Variants in CTXN3 observed in about 807,000 individuals in gnomAD.
CTXN3 encodes the protein cortexin-3.
In CTXN3, 4 loss-of-function variants were observed where a neutral mutation model predicts 5.0. The ratio of observed to expected loss-of-function variants is 0.79; its 90% confidence interval spans 0.39 to 1.82. The LOEUF is 1.82. Ranked by LOEUF, CTXN3 falls within the 40% of genes most tolerant of loss-of-function variation. The probability of loss-of-function intolerance (pLI) is 0.04; values close to 1 mark genes in which losing one functional copy is unlikely to be tolerated. For missense variants in CTXN3, 89 were observed against 99.7 expected, an observed-to-expected ratio of 0.89 and a Z score of 0.46; for synonymous variants, 48 against 38.6, an observed-to-expected ratio of 1.24 and a Z score of -0.91.
rs1198509736 is a variant in CTXN3 at position 127,653,392 on chromosome 5, T to C, written c.-131T>C. On this transcript the variant is annotated 5_prime_UTR_variant, in exon 2 of 3. The change abolishes an upstream ATG in the 5' untranslated region. Coordinates refer to ENST00000379445, the MANE Select transcript of CTXN3 (RefSeq NM_001048252.3). ...GGGAAGACACAGATGTACTGCGTGA[T>C]GAGGAAAGCCTATCAGGATTAAAAT... 1 of 152,226 alleles carries C rather than the reference T, an allele frequency of 6.6e-6. No homozygotes were observed. Among genetic ancestry groups the C allele is most frequent in the Non-Finnish European group, 1.5e-5 (1 of 68,042 alleles). 9.4% of individuals were successfully genotyped at this position (152,226 alleles called of 1,614,324 possible). A position where few individuals can be genotyped will look rare whatever the true frequency, so the allele number is the denominator to read the frequency against.
Position 127,657,564 on chromosome 5 carries a change from G to A in CTXN3, c.43G>A (p.Gly15Arg). 1 of 1,614,086 alleles carries A rather than the reference G, an allele frequency of 6.2e-7. No homozygotes were observed. The highest frequency in any genetic ancestry group is 8.5e-7 in the Non-Finnish European group (1 of 1,179,998). The change falls in exon 3 of 3, where the codon GGG becomes AGG. Residue 15 changes from glycine to arginine, a missense_variant. Transcript: ENST00000379445. ...QPIPSSLVPL[G>R]NESADSSMSL... ...CATCCCCTCATCCCTAGTGCCCCTT[G>A]GGAACGAATCAGCAGATTCTAGCAT...
rs774782475 is a variant in CTXN3, at chr5:127,657,501, G to A, written c.-21G>A. On this transcript the variant is annotated 5_prime_UTR_variant, in exon 3 of 3. It adds an upstream start codon to the 5' untranslated region. Transcript: ENST00000379445. The stretch of plus-strand genomic sequence containing the variant: ...GAAGAAAAGAAAACCAGGATATCCT[G>A]TGCTCTGGCTTCCCTGGACCATGGA... The A allele has an allele frequency of 2.5e-6, 4 of 1,613,012 alleles. No individual in the cohort carries two copies. In the South Asian group the frequency reaches 3.3e-5, roughly 13 times the overall value.
intron 1 of CTXN3, chr5:127,652,148 A>C (rs1336663023): frequency 6.6e-6 from 1 of 152,200 alleles, no homozygotes; most frequent in Non-Finnish European, 1.5e-5. Flanking sequence ...GCCAAGGAAA[A>C]TTTAATGAGC....
At chr5:127,655,850 A>G (rs996980991) in intron 2 of CTXN3, among the ~76,000 whole-genome samples, 1 of 152,234 alleles carries the variant, frequency 6.6e-6, no homozygotes, top group Non-Finnish European at 1.5e-5. Flanking sequence ...AAAAAATTCA[A>G]AGTGATAGAG....
rs779231589 is a variant in CTXN3 at position 127,657,680 on chromosome 5, G to T, written c.159G>T (p.Leu53Phe). Residue 53 changes from leucine to phenylalanine, a missense_variant, in exon 3 of 3, where the codon TTG becomes TTT. Leu to Phe is a conservative substitution (Grantham distance 22, BLOSUM62 0). Coordinates refer to ENST00000379445, the MANE Select transcript of CTXN3 (RefSeq NM_001048252.3). ...TTGTCCGGTGCTTCCGGATTCTTTT[G>T]GATCCATATCGAAGCATGCCAACCT... is the stretch of plus-strand genomic sequence containing the variant. ...ILIVRCFRIL[L>F]DPYRSMPTST... 1 of 1,614,120 alleles carries T rather than the reference G, an allele frequency of 6.2e-7. No homozygotes were observed. Among genetic ancestry groups the T allele is most frequent in the Admixed American group, 1.7e-5 (1 of 60,026 alleles).
chr5:127,652,555 T>G (rs1749807228), intron 1 of CTXN3, among the ~76,000 whole-genome samples: 1 of 150,038 alleles, frequency 6.7e-6, no homozygotes, highest in South Asian at 2.1e-4. Flanking sequence ...CCATCCTTGG[T>G]GAAGGGAAAC....
chr5:127,655,514 C>T (rs10060634), intron 2 of CTXN3, among the ~76,000 whole-genome samples: 7,418 of 152,190 alleles, frequency 0.049, 224 homozygotes, highest in Non-Finnish European at 0.075. Flanking sequence ...TTGGCCCAGC[C>T]CTTGGAGAAT....
At chr5:127,656,941 A>C (rs1749920753) in intron 2 of CTXN3, among the ~76,000 whole-genome samples, 1 of 152,190 alleles carries the variant, frequency 6.6e-6, no homozygotes, top group Non-Finnish European at 1.5e-5. Context: ...GTTTCCTTGC[A>C]CTGGGGCTAA....
intron 2 of CTXN3, among the ~76,000 whole-genome samples, chr5:127,654,859 C>T (rs1749869658): frequency 6.6e-6 from 1 of 152,100 alleles, no homozygotes; most frequent in Admixed American, 6.6e-5. Context: ...CTAGTTCTTA[C>T]CTGAATTTTT....
intron 2 of CTXN3, among the ~76,000 whole-genome samples, chr5:127,655,691 A>G (rs540542508): frequency 2.6e-5 from 4 of 152,208 alleles, no homozygotes; most frequent in Non-Finnish European, 5.9e-5. Context: ...GTGCTTAGAA[A>G]CAAGCAAACC....
chr5:127,655,423 T>A (rs1749886140), intron 2 of CTXN3, among the ~76,000 whole-genome samples: 1 of 152,164 alleles, frequency 6.6e-6, no homozygotes, highest in Non-Finnish European at 1.5e-5. Context: ...AGTGAGAGGA[T>A]CCTCAGTAGG....
rs200230016 is a variant in CTXN3 at position 127,651,220 on chromosome 5, G to A, written c.-207+1832G>A. ...TCACATGTGAATGGAAACTGGACAA[G>A]CCCAAGAGTGTCCTTGCTCAATGGA... On this transcript the variant is annotated intron_variant, in intron 1 of 2. Coordinates refer to ENST00000379445, the MANE Select transcript of CTXN3 (RefSeq NM_001048252.3). Among the ~76,000 whole-genome samples, 4 of 152,314 alleles carry A rather than the reference G, an allele frequency of 2.6e-5. No homozygotes were observed. The East Asian group carries it at 7.7e-4, about 29-fold the overall frequency.
chr5:127,654,449 A>G (rs1037240619), intron 2 of CTXN3, among the ~76,000 whole-genome samples: 3 of 152,212 alleles, frequency 2.0e-5, no homozygotes, highest in African/African-American at 7.2e-5. Flanking sequence ...AAATCATTCT[A>G]ATACTTGGCA....
At position 127,657,921 on chromosome 5, in the gene CTXN3, G is replaced by C; in HGVS notation, c.*154G>C. 1.2e-6 allele frequency: 1 copy of C among 867,696 alleles called. No individual in the cohort carries two copies. Among genetic ancestry groups the C allele is most frequent in the Non-Finnish European group, 1.8e-6 (1 of 568,928 alleles). The allele number at this position is 867,696 out of a possible 1,614,324, so 53.7% of individuals were successfully genotyped here. On this transcript the variant is annotated 3_prime_UTR_variant, in exon 3 of 3. Transcript: ENST00000379445. ...TCCATAAATATGCAGTTGGGTTAAA[G>C]ACATTTGAGGATGTTGGAAATGGAC... is the stretch of plus-strand genomic sequence containing the variant.
At position 127,657,690 on chromosome 5, in the gene CTXN3, C is replaced by T. The variant is rs773647759; in HGVS notation, c.169C>T (p.Arg57Ter). Residue 57 changes from arginine to a stop codon, truncating the protein, a stop_gained, in exon 3 of 3, where the codon CGA (arginine) becomes TGA (stop). Transcript: ENST00000379445. LOFTEE classifies it high-confidence loss of function. Reference sequence around the variant, plus strand: ...CTTCCGGATTCTTTTGGATCCATATCGAAGCATGCCAACCTCTACCTGGGC... The same window carrying T: ...CTTCCGGATTCTTTTGGATCCATATTGAAGCATGCCAACCTCTACCTGGGC... ...RCFRILLDPY[R>*]SMPTSTWADG... The T allele has an allele frequency of 3.1e-6, 5 of 1,614,016 alleles. No homozygotes were observed. The highest frequency in any genetic ancestry group is 1.3e-5 in the African/African-American group (1 of 74,914).
At chr5:127,651,846 CAT>C (rs1031562212) in intron 1 of CTXN3, 3 of 151,140 alleles carry the variant, frequency 2.0e-5, no homozygotes, top group Non-Finnish European at 4.4e-5. Flanking sequence ...AGAAAAGAAA[CAT>C]GTCATTGCTT....
At chr5:127,655,051 G>A (rs1234178753) in intron 2 of CTXN3, among the ~76,000 whole-genome samples, 2 of 151,914 alleles carry the variant, frequency 1.3e-5, no homozygotes, top group African/African-American at 4.8e-5. Flanking sequence ...ATCACCTGAG[G>A]TCAGGAGTTC....
chr5:127,657,849 CA>C lies in CTXN3; in HGVS notation c.*85del. 6.6e-7 allele frequency: 1 copy of C among 1,508,958 alleles called. No homozygotes were observed. Among genetic ancestry groups the C allele is most frequent in the Admixed American group, 1.9e-5 (1 of 51,358 alleles). 93.5% of individuals were successfully genotyped at this position (1,508,958 alleles called of 1,614,324 possible). On this transcript the variant is annotated 3_prime_UTR_variant, in exon 3 of 3. Coordinates refer to ENST00000379445, the MANE Select transcript of CTXN3 (RefSeq NM_001048252.3). ...GATTCCCTTTATTTAGTGTTCTCAA[CA>C]AATCAAATTTAAACAATATTTGGTC...
chr5:127,656,996 G>T (rs1450535569), intron 2 of CTXN3, among the ~76,000 whole-genome samples: 1 of 152,174 alleles, frequency 6.6e-6, no homozygotes, highest in Non-Finnish European at 1.5e-5. Flanking sequence ...TGGCTAACAT[G>T]TTTCAAGTTT....
Sources: allele counts gnomAD v4.1 joint callset (sites outside exome capture counted in the v4.1 genomes callset), GRCh38; gene constraint gnomAD v4.1.1; transcripts MANE v1.5; gene names NCBI Gene and HGNC (gene_info 2026-07-23, HGNC 2026-07-21).